The following DNAH14 variants were observed in gnomAD, a reference collection of about 807,000 sequenced individuals.
The protein encoded by DNAH14 is axonemal beta dynein heavy chain 14.
DNAH14 carries 478 observed loss-of-function variants against 520.9 expected under a neutral mutation model. The ratio of observed to expected loss-of-function variants is 0.92; its 90% CI spans 0.85 to 0.99. The LOEUF (loss-of-function observed/expected upper bound fraction) is 0.99, where lower values mean the gene tolerates loss of function less well. Ranked by LOEUF, DNAH14 falls within the 50% of genes least tolerant of loss-of-function variation. The pLI is 0.00. For missense variants in DNAH14, 4,831 were observed against 5,234.5 expected (o/e 0.92, Z 2.38); for synonymous variants, 1,581 against 1,757.2 (o/e 0.90, Z 2.51).
chr1:225,300,066 G>C (rs1396389417), intron 55 of DNAH14, among the ~76,000 whole-genome samples: 1 of 152,074 alleles, frequency 6.6e-6, no homozygotes, highest in Non-Finnish European at 1.5e-5. Flanking sequence ...AACTCTTCTG[G>C]AAGAGTTTGT....
chr1:225,337,983 T>A (rs2095095544), intron 67 of DNAH14, 78 bp from the exon 68 acceptor site: 10 of 1,402,994 alleles, frequency 7.1e-6, no homozygotes, highest in Middle Eastern at 2.2e-4. Flanking sequence ...AACCTTTAAA[T>A]GTTTTATTGC....
Position 225,322,675 on chromosome 1 carries a change from G to T in DNAH14, c.9347G>T (p.Arg3116Leu). 1 of 1,537,604 alleles carries T rather than the reference G, an allele frequency of 6.5e-7. No homozygotes were observed. Residue 3116 changes from arginine to leucine, a missense_variant, in exon 62 of 86, where the codon CGG (arginine) becomes CTG (leucine). Physicochemically the swap from Arg to Leu is moderately radical, Grantham distance 102 (BLOSUM62 -2). Transcript: ENST00000682510. ...ADVAELRVYT[R>L]PPFLVLTVMN... is the part of the protein sequence containing the mutation. ...ATCATCTATTACAGAGTATACACACGGCCTCCCTTCCTTGTACTGACTGTC... is the reference window on the plus strand; with the variant it reads ...ATCATCTATTACAGAGTATACACACTGCCTCCCTTCCTTGTACTGACTGTC...
intron 23 of DNAH14, among the ~76,000 whole-genome samples, chr1:225,103,837 C>G (rs931250286): frequency 6.6e-6 from 1 of 152,132 alleles, no homozygotes; most frequent in Non-Finnish European, 1.5e-5. Flanking sequence ...CATCTGCAAA[C>G]AGGGACAATT....
chr1:225,384,443 G>C (rs936203009), intron 81 of DNAH14, among the ~76,000 whole-genome samples: 9 of 152,068 alleles, frequency 5.9e-5, no homozygotes, highest in Admixed American at 5.2e-4. Flanking sequence ...CCAGAAGCTG[G>C]TTTTCTGAAA....
At chr1:225,206,628 C>A (rs975504949) in intron 40 of DNAH14, among the ~76,000 whole-genome samples, 2 of 152,124 alleles carry the variant, frequency 1.3e-5, no homozygotes, top group Non-Finnish European at 1.5e-5. Context: ...CTATAATTAA[C>A]CCTATGCTCT....
In DNAH14 at chr1:225,097,100, A is replaced by T; in HGVS notation, c.3574-18A>T. On this transcript the variant is annotated intron_variant, in intron 21 of 85. Coordinates refer to ENST00000682510, the MANE Select transcript of DNAH14 (RefSeq NM_001367479.1). Reference sequence around the variant, plus strand: ...TATATATTTAGATTTGTATGTGTATATGTTTTTATCATTGTAGGATCTTGT... The same window carrying T: ...TATATATTTAGATTTGTATGTGTATTTGTTTTTATCATTGTAGGATCTTGT... 6.5e-7 allele frequency: 1 copy of T among 1,531,466 alleles called. No homozygotes were observed. The highest frequency in any genetic ancestry group is 8.8e-7 in the Non-Finnish European group (1 of 1,136,702). The allele number at this position is 1,531,466 out of a possible 1,614,324, so 94.9% of individuals were successfully genotyped here.
At chr1:225,055,043 T>G (rs1488927778) in intron 17 of DNAH14, among the ~76,000 whole-genome samples, 2 of 151,686 alleles carry the variant, frequency 1.3e-5, no homozygotes, top group East Asian at 3.9e-4. Flanking sequence ...TTAAGTGACC[T>G]CCCTCTTTTT....
chr1:225,210,756 A>G (rs10915802), intron 41 of DNAH14, among the ~76,000 whole-genome samples: 23,445 of 152,156 alleles, frequency 0.15, 2,127 homozygotes, highest in East Asian at 0.36. Context: ...GGAGAGCCCC[A>G]GCTGGCATCT....
chr1:225,387,291 C>T (rs1447866555), intron 81 of DNAH14, among the ~76,000 whole-genome samples: 1 of 151,822 alleles, frequency 6.6e-6, no homozygotes, highest in Non-Finnish European at 1.5e-5. Flanking sequence ...ATGTAAATGA[C>T]GAGTTAACGG....
At chr1:225,305,128 T>C (rs901969328) in intron 58 of DNAH14, 39 bp downstream of exon 58, 4 of 1,496,690 alleles carry the variant, frequency 2.7e-6, no homozygotes, top group African/African-American at 1.5e-5. Flanking sequence ...TATTTTATAT[T>C]GGTGTTTTTG....
chr1:225,226,711 C>T (rs1473202415), intron 41 of DNAH14, among the ~76,000 whole-genome samples: 1 of 152,064 alleles, frequency 6.6e-6, no homozygotes, highest in Non-Finnish European at 1.5e-5. Flanking sequence ...AAAAGTGGGC[C>T]CAGGGGACCG....
At chr1:225,244,778 T>G (rs677215) in intron 43 of DNAH14, among the ~76,000 whole-genome samples, 19,781 of 152,142 alleles carry the variant, frequency 0.13, 1,429 homozygotes, top group East Asian at 0.31. Context: ...CTATCTATTT[T>G]GTTAATCTTT....
rs1221353231 is a variant in DNAH14 at position 225,295,209 on chromosome 1, G to C, written c.8469+5127G>C. Among the ~76,000 whole-genome samples the C allele has an allele frequency of 2.0e-5, 3 of 151,850 alleles. No homozygotes were observed. The East Asian group carries it at 5.8e-4, about 29-fold the overall frequency. On this transcript the variant is annotated intron_variant, in intron 55 of 85. Coordinates refer to ENST00000682510, the MANE Select transcript of DNAH14 (RefSeq NM_001367479.1). ...GTTTTTCTTTGCAAAAAAACTTTTG[G>C]TTGTGTTGATCTTTGATATTGTTTT...
At chr1:225,004,223 C>A (rs1450842830) in intron 9 of DNAH14, among the ~76,000 whole-genome samples, 2 of 152,074 alleles carry the variant, frequency 1.3e-5, no homozygotes, top group African/African-American at 4.8e-5. Context: ...AGAAATAATT[C>A]TTTATATATA....
intron 11 of DNAH14, among the ~76,000 whole-genome samples, chr1:225,035,032 G>C (rs1372129166): frequency 2.5e-5 from 3 of 120,266 alleles, no homozygotes; most frequent in Non-Finnish European, 5.5e-5. Context: ...ACAGCTCCTG[G>C]ATTCTTTGAT....
chr1:225,190,003 C>T (rs1162840499), intron 37 of DNAH14, among the ~76,000 whole-genome samples: 1 of 151,478 alleles, frequency 6.6e-6, no homozygotes, highest in African/African-American at 2.4e-5. Context: ...TGAATTGTGT[C>T]CCCCCCACCC....
intron 34 of DNAH14, among the ~76,000 whole-genome samples, chr1:225,154,806 C>T (rs1446187826): frequency 6.7e-6 from 1 of 150,182 alleles, no homozygotes; most frequent in Non-Finnish European, 1.5e-5. Context: ...ATCTAGAAGC[C>T]ACAAAAAAAA....
Position 225,308,299 on chromosome 1 carries a change from A to G in DNAH14, c.9129A>G (p.Leu3043=). The change falls in exon 60 of 86, where the codon CTA becomes CTG. Residue 3043 remains leucine, a synonymous_variant. Transcript: ENST00000682510. ...VEQKTKETET[L]MEKLRKDSQV... ...TGCTTCATTAGGAAACAGAAACTCT[A>G]ATGGAAAAACTACGGAAAGATTCAC... 1.3e-6 allele frequency: 2 copies of G among 1,539,036 alleles called. No individual in the cohort carries two copies. The highest frequency in any genetic ancestry group is 1.3e-5 in the South Asian group (1 of 79,930).
intron 64 of DNAH14, among the ~76,000 whole-genome samples, chr1:225,326,447 G>A (rs2094671784): frequency 6.6e-6 from 1 of 152,180 alleles, no homozygotes; most frequent in Admixed American, 6.5e-5. Context: ...CTACAGCTGA[G>A]TTTGAAGAGA....
Sources: gnomAD v4.1 joint callset for allele counts (sites outside exome capture counted in the v4.1 genomes callset) on GRCh38, gnomAD v4.1.1 for gene constraint, MANE v1.5 for transcripts, NCBI Gene and HGNC (gene_info 2026-07-23, HGNC 2026-07-21) for gene names.